The following RBFOX1 variants were observed in gnomAD, a reference collection of about 807,000 sequenced individuals.
RBFOX1 encodes RNA binding fox-1 homolog 1.
In RBFOX1, 8 loss-of-function variants were observed where a neutral mutation model predicts 57.7. That is an observed-to-expected ratio of 0.14 (90% CI 0.08 to 0.25). The LOEUF (loss-of-function observed/expected upper bound fraction) is 0.25. Among genes scored for constraint, RBFOX1 ranks in the 10% least tolerant of loss-of-function variants. The pLI, the probability that RBFOX1 is intolerant of heterozygous loss-of-function variation, is 1.00. For missense variants in RBFOX1, 611 were observed against 548.5 expected (o/e 1.11, Z -1.14); for synonymous variants, 326 against 222.4 (o/e 1.47, Z -4.15).
intron 1 of RBFOX1, among the ~76,000 whole-genome samples, chr16:6,074,236 CAG>C (rs2095869742): frequency 6.6e-6 from 1 of 152,194 alleles, no homozygotes; most frequent in Non-Finnish European, 1.5e-5. Flanking sequence ...GCATGAGCCA[CAG>C]CGCCCGGCCA....
intron 3 of RBFOX1, among the ~76,000 whole-genome samples, chr16:5,723,562 T>G (rs1415227454): frequency 6.6e-6 from 1 of 151,952 alleles, no homozygotes; most frequent in Non-Finnish European, 1.5e-5. Context: ...TAAGGTTGAG[T>G]AGTCAGCCCA....
chr16:7,681,175 G>C (rs1265227158), intron 14 of RBFOX1, among the ~76,000 whole-genome samples: 1 of 152,120 alleles, frequency 6.6e-6, no homozygotes, highest in African/African-American at 2.4e-5. Context: ...TTATTTAAGT[G>C]ACAGAGATAG....
chr16:6,969,770 C>T (rs9924901), intron 3 of RBFOX1, among the ~76,000 whole-genome samples: 286 of 151,976 alleles, frequency 1.9e-3, no homozygotes, highest in African/African-American at 6.6e-3. Context: ...GGTAACGTAT[C>T]TTAATTGCTG....
At chr16:6,584,885 C>A (rs984823958) in intron 2 of RBFOX1, among the ~76,000 whole-genome samples, 1 of 152,186 alleles carries the variant, frequency 6.6e-6, no homozygotes, top group Non-Finnish European at 1.5e-5. Flanking sequence ...GATGTCTGGT[C>A]ATGTTCTCTC....
chr16:5,890,230 A>G (rs1567675504), intron 4 of RBFOX1, among the ~76,000 whole-genome samples: 2 of 152,196 alleles, frequency 1.3e-5, no homozygotes, highest in African/African-American at 2.4e-5. Context: ...TATGATAATA[A>G]TATCTAATTA....
intron 4 of RBFOX1, among the ~76,000 whole-genome samples, chr16:7,122,924 G>A (rs2067525751): frequency 6.6e-6 from 1 of 152,088 alleles, no homozygotes; most frequent in Non-Finnish European, 1.5e-5. Context: ...AAAGCATTAT[G>A]CTAAGAGAAG....
intron 4 of RBFOX1, among the ~76,000 whole-genome samples, chr16:5,888,412 C>G (rs1032898192): frequency 1.3e-5 from 2 of 152,088 alleles, no homozygotes; most frequent in Non-Finnish European, 2.9e-5. Context: ...GTGTTTTATT[C>G]TATGATAGTT....
At chr16:6,282,929 C>T (rs962174060) in intron 1 of RBFOX1, among the ~76,000 whole-genome samples, 4 of 152,170 alleles carry the variant, frequency 2.6e-5, no homozygotes, top group African/African-American at 9.7e-5. Flanking sequence ...CTACTCAGTT[C>T]ATAGTTAAGA....
chr16:5,351,380 C>G (rs912435405), intron 1 of RBFOX1, among the ~76,000 whole-genome samples: 2 of 152,106 alleles, frequency 1.3e-5, no homozygotes, highest in Non-Finnish European at 2.9e-5. Flanking sequence ...GAAAGTGAGG[C>G]TTGGAATAGT....
At chr16:6,972,550 G>T (rs578174850) in intron 3 of RBFOX1, among the ~76,000 whole-genome samples, 1 of 152,238 alleles carries the variant, frequency 6.6e-6, no homozygotes, top group South Asian at 2.1e-4. Flanking sequence ...TGAACATGGG[G>T]ATACAAATAT....
intron 2 of RBFOX1, among the ~76,000 whole-genome samples, chr16:5,596,665 A>T (rs2047193293): frequency 6.6e-6 from 1 of 152,152 alleles, no homozygotes; most frequent in South Asian, 2.1e-4. Context: ...ATTGCGCTTA[A>T]CTCGTTGATC....
chr16:6,938,787 C>T (rs1201058856), intron 3 of RBFOX1, among the ~76,000 whole-genome samples: 1 of 152,034 alleles, frequency 6.6e-6, no homozygotes, highest in Non-Finnish European at 1.5e-5. Context: ...CAAAAATTAG[C>T]TGGGTGTGGT....
chr16:5,635,961 C>G (rs1311123886), intron 3 of RBFOX1, among the ~76,000 whole-genome samples: 2 of 152,080 alleles, frequency 1.3e-5, no homozygotes, highest in Non-Finnish European at 2.9e-5. Context: ...GTAATCCCAG[C>G]AATTTTGGAG....
intron 1 of RBFOX1, among the ~76,000 whole-genome samples, chr16:6,293,895 C>A (rs56072441): frequency 0.21 from 344 of 1,610 alleles, 2 homozygotes; most frequent in Non-Finnish European, 0.34. Flanking sequence ...CCAGGGTGAG[C>A]GGGGGGGTGG....
chr16:7,271,860 C>G, intron 4 of RBFOX1, among the ~76,000 whole-genome samples: 1 of 152,150 alleles, frequency 6.6e-6, no homozygotes, highest in East Asian at 1.9e-4. Flanking sequence ...AAGGCAGAGG[C>G]TTCCTCACAG....
At chr16:6,557,162 CACATATATATATAT>C (rs1044823513) in intron 2 of RBFOX1, among the ~76,000 whole-genome samples, 2 of 141,484 alleles carry the variant, frequency 1.4e-5, no homozygotes, top group Admixed American at 7.0e-5. Context: ...CATATATATA[CACATATATATATAT>C]ACATATATAT....
intron 4 of RBFOX1, among the ~76,000 whole-genome samples, chr16:7,123,892 A>T (rs1261299029): frequency 6.6e-6 from 1 of 152,186 alleles, no homozygotes; most frequent in Non-Finnish European, 1.5e-5. Context: ...AACATGCCAC[A>T]GTCTGCAGTG....
chr16:6,163,798 A>AT lies in RBFOX1; in HGVS notation c.-127+143814dup, dbSNP rs553033435. 1.5e-3 allele frequency among the ~76,000 whole-genome samples: 228 copies of AT among 152,056 alleles called. 5 individuals are homozygous for AT. The South Asian group carries it at 0.039, about 26-fold the overall frequency. On this transcript the variant is annotated intron_variant, in intron 1 of 15. Coordinates refer to ENST00000550418, the MANE Select transcript of RBFOX1 (RefSeq NM_018723.4). ...TAAGGTGATGTGTACCTATAGGAATATTTTTTTTGCCCAATCTTAATTAAA... is the reference window on the plus strand; with the variant it reads ...TAAGGTGATGTGTACCTATAGGAATATTTTTTTTTGCCCAATCTTAATTAAA...
chr16:7,480,871 G>C (rs976157160), intron 4 of RBFOX1, among the ~76,000 whole-genome samples: 1 of 152,166 alleles, frequency 6.6e-6, no homozygotes, highest in East Asian at 1.9e-4. Context: ...TGTCCTCCTG[G>C]GGCTGCTTCC....
Sources: allele counts gnomAD v4.1 joint callset (sites outside exome capture counted in the v4.1 genomes callset), GRCh38; gene constraint gnomAD v4.1.1; transcripts MANE v1.5; gene names NCBI Gene and HGNC (gene_info 2026-07-23, HGNC 2026-07-21).